The following BMPR2 variants were observed in gnomAD, a reference collection of about 807,000 sequenced individuals.
The protein encoded by BMPR2 is bone morphogenetic protein receptor type 2.
A neutral mutation model predicts 100.8 loss-of-function variants in BMPR2; 29 were observed. That is an observed-to-expected ratio of 0.29 (90% CI 0.21 to 0.39). The LOEUF is 0.39. Among genes scored for constraint, BMPR2 ranks in the 10% least tolerant of loss-of-function variants. The pLI is 1.00. For synonymous variants in BMPR2, 382 were observed against 442.3 expected, an observed-to-expected ratio of 0.86 and a Z score of 1.71; for missense variants, 1,011 against 1,274.5, an observed-to-expected ratio of 0.79 and a Z score of 3.15.
intron 1 of BMPR2, among the ~76,000 whole-genome samples, chr2:202,401,015 G>T (rs758508477): frequency 1.2e-4 from 18 of 152,102 alleles, no homozygotes; most frequent in Non-Finnish European, 2.2e-4. Flanking sequence ...ATACATGACA[G>T]AAAAAATTCA....
chr2:202,435,461 T>C (rs940639426), intron 1 of BMPR2, among the ~76,000 whole-genome samples: 9 of 146,626 alleles, frequency 6.1e-5, no homozygotes, highest in African/African-American at 2.4e-4. Flanking sequence ...TGTTTTATTA[T>C]AAGAGTAAAA....
At position 202,467,685 on chromosome 2, in the gene BMPR2, A is replaced by G. The variant is rs371271567; in HGVS notation, c.414A>G (p.Pro138=). 6.2e-7 allele frequency: 1 copy of G among 1,609,474 alleles called. No individual in the cohort carries two copies. Among genetic ancestry groups the G allele is most frequent in the Admixed American group, 1.7e-5 (1 of 59,982 alleles). The change falls in exon 3 of 13, where the codon CCA becomes CCG. Residue 138 remains proline, a synonymous_variant. Coordinates refer to ENST00000374580, the MANE Select transcript of BMPR2 (RefSeq NM_001204.7). ...ATTTTCCACCTCCTGACACAACACC[A>G]CTCAGTAAGTAAAGTAACCAACTTT... ...TENFPPPDTT[P]LSPPHSFNRD...
intron 1 of BMPR2, among the ~76,000 whole-genome samples, chr2:202,406,582 A>G (rs1296917152): frequency 1.3e-5 from 2 of 152,224 alleles, no homozygotes; most frequent in Non-Finnish European, 1.5e-5. Context: ...AGCATATTAA[A>G]ATTGCTCTCT....
chr2:202,505,341 CTTTTTTTTT>C (rs534785312), intron 3 of BMPR2: 2 of 113,112 alleles, frequency 1.8e-5, no homozygotes, highest in African/African-American at 6.7e-5. Flanking sequence ...TTAGGAGCAG[CTTTTTTTTT>C]TTTTTTTTTT....
At chr2:202,464,039 A>T (rs1409437917) in intron 1 of BMPR2, among the ~76,000 whole-genome samples, 2 of 151,800 alleles carry the variant, frequency 1.3e-5, no homozygotes, top group Non-Finnish European at 2.9e-5. Flanking sequence ...CATGCCTGTA[A>T]TGCCAGCTAC....
chr2:202,379,168 G>C (rs79326750), intron 1 of BMPR2, among the ~76,000 whole-genome samples: 12,057 of 152,138 alleles, frequency 0.079, 676 homozygotes, highest in Non-Finnish European at 0.12. Context: ...AATTTGTGAA[G>C]CTGGATTTCA....
chr2:202,553,096 T>A (rs1379923540), intron 11 of BMPR2, among the ~76,000 whole-genome samples: 1 of 152,268 alleles, frequency 6.6e-6, no homozygotes, highest in East Asian at 1.9e-4. Flanking sequence ...CATTTTTTAA[T>A]ATGTAAAGGT....
At chr2:202,517,681 T>C (rs762121791) in intron 5 of BMPR2, among the ~76,000 whole-genome samples, 90 of 152,026 alleles carry the variant, frequency 5.9e-4, no homozygotes, top group Admixed American at 1.6e-3. Flanking sequence ...GGAAACTCTC[T>C]TGTATATTCA....
chr2:202,486,239 T>C (rs879656791), intron 3 of BMPR2, among the ~76,000 whole-genome samples: 3 of 152,286 alleles, frequency 2.0e-5, no homozygotes, highest in Non-Finnish European at 4.4e-5. Flanking sequence ...TACAGAAAAG[T>C]AGAAAACAGA....
chr2:202,389,605 T>A (rs1690506115), intron 1 of BMPR2, among the ~76,000 whole-genome samples: 2 of 151,992 alleles, frequency 1.3e-5, no homozygotes, highest in South Asian at 4.1e-4. Flanking sequence ...TATTTAAGAT[T>A]CTAAAATTAT....
intron 10 of BMPR2, among the ~76,000 whole-genome samples, chr2:202,544,818 A>G (rs1688346832): frequency 8.2e-6 from 1 of 122,166 alleles, no homozygotes; most frequent in Admixed American, 1.1e-4. Flanking sequence ...TGGCTGGAGT[A>G]TAGTGGTGTG....
chr2:202,383,384 T>C (rs1690341664), intron 1 of BMPR2, among the ~76,000 whole-genome samples: 1 of 151,538 alleles, frequency 6.6e-6, no homozygotes, highest in African/African-American at 2.4e-5. Context: ...CCGTCTCTAC[T>C]AAAATACAAA....
intron 1 of BMPR2, among the ~76,000 whole-genome samples, chr2:202,409,847 A>G (rs904966379): frequency 6.7e-5 from 10 of 148,876 alleles, no homozygotes; most frequent in African/African-American, 2.5e-4. Flanking sequence ...TCTACTTTAT[A>G]TATATACTTA....
At chr2:202,535,022 G>GCCGGGCGGGTGGCTGACCCCC (rs1688110693) in intron 9 of BMPR2, among the ~76,000 whole-genome samples, 1 of 137,562 alleles carries the variant, frequency 7.3e-6, no homozygotes, top group African/African-American at 2.7e-5. Flanking sequence ...GGGTCGGCTG[G>GCCGGGCGGGTGGCTGACCCCC]CCGGGCGGGT....
intron 10 of BMPR2, among the ~76,000 whole-genome samples, chr2:202,544,128 T>G (rs1345881031): frequency 1.3e-5 from 2 of 151,988 alleles, no homozygotes; most frequent in Non-Finnish European, 2.9e-5. Context: ...GGTGACAGAG[T>G]GAGACCCCAT....
At chr2:202,537,546 A>G (rs1688184335) in intron 9 of BMPR2, among the ~76,000 whole-genome samples, 1 of 152,222 alleles carries the variant, frequency 6.6e-6, no homozygotes, top group African/African-American at 2.4e-5. Context: ...TTTAATGGGT[A>G]CAGAGTTTCA....
chr2:202,521,634 C>G (rs1206373401), intron 7 of BMPR2, among the ~76,000 whole-genome samples: 2 of 151,678 alleles, frequency 1.3e-5, no homozygotes, highest in East Asian at 3.9e-4. Context: ...AATGGGGAAT[C>G]TGTTTGTATT....
At chr2:202,529,038 G>T (rs1249091434) in intron 7 of BMPR2, among the ~76,000 whole-genome samples, 1 of 152,082 alleles carries the variant, frequency 6.6e-6, no homozygotes, top group Non-Finnish European at 1.5e-5. Context: ...ATCTCCCTAT[G>T]AATTTTTTCC....
intron 1 of BMPR2, among the ~76,000 whole-genome samples, chr2:202,420,613 CT>C (rs1691242050): frequency 8.4e-6 from 1 of 118,522 alleles, no homozygotes; most frequent in Non-Finnish European, 1.6e-5. Context: ...GTGGCATGAT[CT>C]TAGCTCACTG....
Sources: allele counts gnomAD v4.1 joint callset (sites outside exome capture counted in the v4.1 genomes callset), GRCh38; gene constraint gnomAD v4.1.1; transcripts MANE v1.5; gene names NCBI Gene and HGNC (gene_info 2026-07-23, HGNC 2026-07-21).